Variants in NKAIN3 observed in about 807,000 individuals in gnomAD.
The protein encoded by NKAIN3 is sodium/potassium transporting ATPase interacting 3, also known as sodium/potassium-transporting ATPase subunit beta-1-interacting protein 3.
A neutral mutation model predicts 30.2 loss-of-function variants in NKAIN3; 25 were observed. The ratio of observed to expected loss-of-function variants is 0.83; its 90% CI spans 0.60 to 1.16. NKAIN3 has a LOEUF of 1.16. NKAIN3 is among the 50% of genes most tolerant of loss of function. NKAIN3 has a pLI of 0.00. For synonymous variants in NKAIN3, 91 were observed against 89.6 expected (o/e 1.02, Z -0.09); for missense variants, 225 against 254.1 (o/e 0.89, Z 0.78).
chr8:62,740,504 G>C (rs1224143833), intron 3 of NKAIN3, among the ~76,000 whole-genome samples: 2 of 152,040 alleles, frequency 1.3e-5, no homozygotes, highest in Non-Finnish European at 2.9e-5. Context: ...TCCATTTCTA[G>C]AAATAGAAAG....
At chr8:62,367,819 A>G (rs1816785387) in intron 1 of NKAIN3, among the ~76,000 whole-genome samples, 1 of 152,132 alleles carries the variant, frequency 6.6e-6, no homozygotes, top group Non-Finnish European at 1.5e-5. Context: ...TGCAAATGGC[A>G]CAATCTTATA....
chr8:62,506,476 C>CTTTCTTTCTTTCTTT (rs71559373), intron 1 of NKAIN3, among the ~76,000 whole-genome samples: 7 of 98,452 alleles, frequency 7.1e-5, no homozygotes, highest in East Asian at 3.0e-4. Context: ...TTCTTTCTTT[C>CTTTCTTTCTTTCTTT]TTTTTTTTTT....
chr8:62,976,075 C>CATTTGCTGATG lies in NKAIN3; in HGVS notation c.*10670_*10680dup, dbSNP rs1823934523. Reference sequence around the variant, plus strand: ...GTTTGTTATGGTTTTCATTCTTTTGCATTTGCTGATGAGTGTTTTACTTCC... The same window carrying CATTTGCTGATG: ...GTTTGTTATGGTTTTCATTCTTTTGCATTTGCTGATGATTTGCTGATGAGTGTTTTACTTCC... On this transcript the variant is annotated 3_prime_UTR_variant, in exon 7 of 7. Coordinates refer to ENST00000623646, the MANE Select transcript of NKAIN3 (RefSeq NM_001304533.3). Among the ~76,000 whole-genome samples, 1 of 152,130 alleles carries CATTTGCTGATG rather than the reference C, an allele frequency of 6.6e-6. No individual in the cohort carries two copies. The highest frequency in any genetic ancestry group is 1.5e-5 in the Non-Finnish European group (1 of 68,030).
intron 1 of NKAIN3, among the ~76,000 whole-genome samples, chr8:62,402,538 T>C (rs1803911966): frequency 6.7e-6 from 1 of 149,066 alleles, no homozygotes; most frequent in South Asian, 2.1e-4. Flanking sequence ...GCCATTCTCA[T>C]GATAGTGAGT....
At chr8:62,278,526 C>T (rs1336190031) in intron 1 of NKAIN3, among the ~76,000 whole-genome samples, 1 of 152,088 alleles carries the variant, frequency 6.6e-6, no homozygotes, top group Non-Finnish European at 1.5e-5. Flanking sequence ...TATCCCTCCC[C>T]ACTCCCCCGA....
At chr8:62,251,907 A>C (rs1420151924) in intron 1 of NKAIN3, among the ~76,000 whole-genome samples, 4 of 152,218 alleles carry the variant, frequency 2.6e-5, no homozygotes, top group Non-Finnish European at 5.9e-5. Flanking sequence ...ATAATTAGGA[A>C]GGAATAACTG....
chr8:62,802,048 G>A (rs528823119), intron 4 of NKAIN3, among the ~76,000 whole-genome samples: 12 of 152,218 alleles, frequency 7.9e-5, no homozygotes, highest in African/African-American at 2.6e-4. Flanking sequence ...TTGAAATGAA[G>A]CGAGAAGGGA....
At chr8:62,734,867 T>C (rs1040775232) in intron 3 of NKAIN3, among the ~76,000 whole-genome samples, 2 of 152,230 alleles carry the variant, frequency 1.3e-5, no homozygotes, top group Non-Finnish European at 2.9e-5. Context: ...TGAAGTTAAG[T>C]TTCACTGGAT....
At chr8:62,515,219 A>C (rs1162355064) in intron 1 of NKAIN3, among the ~76,000 whole-genome samples, 1 of 152,128 alleles carries the variant, frequency 6.6e-6, no homozygotes, top group Non-Finnish European at 1.5e-5. Context: ...TCTATTCAAC[A>C]CTTTTAAAAC....
In NKAIN3 at chr8:62,748,771, G is replaced by A. The variant is rs142526468; in HGVS notation, c.471+1642G>A. On this transcript the variant is annotated intron_variant, in intron 4 of 6. Coordinates refer to ENST00000623646, the MANE Select transcript of NKAIN3 (RefSeq NM_001304533.3). ...AACTCAAAGAAAGGGATTGCACCTT[G>A]ATGGGAAGGAATTTCTTTTCAGACA... is the stretch of plus-strand genomic sequence containing the variant. 4.1e-3 allele frequency among the ~76,000 whole-genome samples: 624 copies of A among 152,274 alleles called. 4 individuals carry two copies. Among genetic ancestry groups the A allele is most frequent in the African/African-American group, 0.014 (585 of 41,560 alleles).
intron 4 of NKAIN3, among the ~76,000 whole-genome samples, chr8:62,867,348 G>A (rs1820458955): frequency 1.3e-5 from 2 of 152,084 alleles, no homozygotes; most frequent in Non-Finnish European, 2.9e-5. Flanking sequence ...ACTGTTTTAA[G>A]GATTGAATGA....
intron 4 of NKAIN3, among the ~76,000 whole-genome samples, chr8:62,797,009 C>A (rs1048489004): frequency 1.3e-5 from 2 of 152,168 alleles, no homozygotes; most frequent in South Asian, 2.1e-4. Context: ...GTTTAGAGAA[C>A]AATAGCCCCT....
intron 1 of NKAIN3, among the ~76,000 whole-genome samples, chr8:62,541,003 G>A (rs1808819304): frequency 6.6e-6 from 1 of 152,154 alleles, no homozygotes; most frequent in Admixed American, 6.6e-5. Flanking sequence ...TGAGCTTCCA[G>A]TGTTGGATTA....
In NKAIN3 at chr8:62,589,718, C is replaced by G. The variant is rs1194005915; in HGVS notation, c.197C>G (p.Thr66Arg). ...CCCTCCCCCATTTCTATCTAGTATA[C>G]AGTGTGGACTGCCCTCTGGGTCACC... ...QYRPRYIMVY[T>R]VWTALWVTWN... The change falls in exon 3 of 7, where the codon ACA becomes AGA. Residue 66 changes from threonine (T) to arginine (R), a missense_variant. Transcript: ENST00000623646. The G allele has an allele frequency of 4.5e-6, 7 of 1,555,618 alleles. No homozygotes were observed. Among genetic ancestry groups the G allele is most frequent in the Non-Finnish European group, 6.2e-6 (7 of 1,130,540 alleles).
At chr8:62,492,523 C>T (rs560195316) in intron 1 of NKAIN3, among the ~76,000 whole-genome samples, 30 of 152,138 alleles carry the variant, frequency 2.0e-4, no homozygotes, top group Non-Finnish European at 3.7e-4. Context: ...ATACTAAATG[C>T]GAGGTGGTAC....
At position 62,646,554 on chromosome 8, in the gene NKAIN3, T is replaced by A. The variant is rs553785954; in HGVS notation, c.273+56760T>A. ...TAAAATTTAATTCTTATGTTTCTAA[T>A]GTTTATAATAAACCACTGTATTTAT... On this transcript the variant is annotated intron_variant, in intron 3 of 6. Coordinates refer to ENST00000623646, the MANE Select transcript of NKAIN3 (RefSeq NM_001304533.3). Among the ~76,000 whole-genome samples, 16 of 152,308 alleles carry A rather than the reference T, an allele frequency of 1.1e-4. No homozygotes were observed. The South Asian group carries it at 3.1e-3, about 30-fold the overall frequency.
intron 4 of NKAIN3, among the ~76,000 whole-genome samples, chr8:62,794,892 C>T (rs900435950): frequency 1.3e-5 from 2 of 152,054 alleles, no homozygotes; most frequent in African/African-American, 4.8e-5. Context: ...TCTTTTATTG[C>T]CTTTCCCCCT....
chr8:62,749,679 CTTTTTTT>C lies in NKAIN3; in HGVS notation c.471+2564_471+2570del, dbSNP rs35908903. Among the ~76,000 whole-genome samples, 105 of 97,278 alleles carry C rather than the reference CTTTTTTT, an allele frequency of 1.1e-3. 1 individual carries two copies. The Middle Eastern group carries it at 0.018, about 17-fold the overall frequency. 63.8% of individuals were successfully genotyped at this position (97,278 alleles called of 152,430 possible). ...TATTAGAATTGTGCTTTTTTCTTTT[CTTTTTTT>C]TTTTTTTTTTTTTAAGACGGAGTTT... On this transcript the variant is annotated intron_variant, in intron 4 of 6. Coordinates refer to ENST00000623646, the MANE Select transcript of NKAIN3 (RefSeq NM_001304533.3).
chr8:62,550,774 G>C (rs1809179907), intron 1 of NKAIN3, among the ~76,000 whole-genome samples: 1 of 152,152 alleles, frequency 6.6e-6, no homozygotes, highest in African/African-American at 2.4e-5. Flanking sequence ...TTTGTTATAG[G>C]AAATGGGAAG....
Sources: gnomAD v4.1 joint callset for allele counts (sites outside exome capture counted in the v4.1 genomes callset) on GRCh38, gnomAD v4.1.1 for gene constraint, MANE v1.5 for transcripts, NCBI Gene and HGNC (gene_info 2026-07-23, HGNC 2026-07-21) for gene names.